The following GDPD4 variants were observed in gnomAD, a reference collection of about 807,000 sequenced individuals.
The protein encoded by GDPD4 is glycerophosphodiester phosphodiesterase 6.
GDPD4 carries 60 observed loss-of-function variants against 67.8 expected under a neutral mutation model. The observed-to-expected ratio is 0.88, with a 90% CI of 0.72 to 1.10. The LOEUF (loss-of-function observed/expected upper bound fraction) is 1.10, where lower values mean the gene tolerates loss of function less well. Among genes scored for constraint, GDPD4 ranks in the 50% least tolerant of loss-of-function variants. The pLI, the probability that GDPD4 is intolerant of heterozygous loss-of-function variation, is 0.00. For missense variants in GDPD4, 623 were observed against 613.9 expected, an observed-to-expected ratio of 1.01 and a Z score of -0.16; for synonymous variants, 212 against 210.9, an observed-to-expected ratio of 1.00 and a Z score of -0.04.
At chr11:77,235,013 T>G (rs916161831) in intron 13 of GDPD4, among the ~76,000 whole-genome samples, 921 of 53,020 alleles carry the variant, frequency 0.017, 10 homozygotes, top group Middle Eastern at 0.025. Flanking sequence ...ATATCTGTTT[T>G]TTTTTTTTTT....
intron 1 of GDPD4, among the ~76,000 whole-genome samples, chr11:77,289,813 G>A (rs1253682558): frequency 2.0e-5 from 2 of 101,848 alleles, no homozygotes; most frequent in African/African-American, 7.0e-5. Context: ...AGGAGGGAGG[G>A]AAGGAAGGGA....
chr11:77,300,377 T>C (rs1938119443), intron 1 of GDPD4, among the ~76,000 whole-genome samples: 2 of 152,224 alleles, frequency 1.3e-5, no homozygotes, highest in East Asian at 1.9e-4. Flanking sequence ...CACCCTTCTA[T>C]AGAAGTATAT....
At chr11:77,292,735 AATT>A (rs1362276876) in intron 1 of GDPD4, among the ~76,000 whole-genome samples, 3 of 152,174 alleles carry the variant, frequency 2.0e-5, no homozygotes, top group African/African-American at 7.2e-5. Flanking sequence ...AGAAATCACA[AATT>A]ATCAATATCA....
chr11:77,268,825 C>CTTTTTTTTT, intron 9 of GDPD4, 99 bp downstream of exon 9: 4 of 1,282,460 alleles, frequency 3.1e-6, no homozygotes, highest in Admixed American at 2.2e-5. Flanking sequence ...AATGCAATCA[C>CTTTTTTTTT]TTTTTCTCTC....
chr11:77,229,611 G>A (rs75854757), intron 14 of GDPD4, among the ~76,000 whole-genome samples: 3,565 of 152,268 alleles, frequency 0.023, 146 homozygotes, highest in African/African-American at 0.081. Context: ...AAACCTGGCT[G>A]TGCAGCCAAG....
At chr11:77,254,813 T>C (rs9634030) in intron 11 of GDPD4, among the ~76,000 whole-genome samples, 122,713 of 152,126 alleles carry the variant, frequency 0.81, 52,834 homozygotes, top group Non-Finnish European at 0.96. Flanking sequence ...AATCTCAAGA[T>C]TAATAAATAC....
Position 77,216,928 on chromosome 11 carries a change from G to T in GDPD4, c.*349C>A, listed in dbSNP as rs1322319123. The T allele has an allele frequency of 2.0e-5, 14 of 701,326 alleles. No individual in the cohort carries two copies. 43.4% of individuals were successfully genotyped at this position (701,326 alleles called of 1,614,324 possible). On this transcript the variant is annotated 3_prime_UTR_variant, in exon 17 of 17. Transcript: ENST00000315938. ...ATTCAGCCATGGGGATCTCTTAGAG[G>T]TCTCTTATTTAAGGATAGGGGACCT...
chr11:77,237,167 C>G (rs1330353831), intron 13 of GDPD4, among the ~76,000 whole-genome samples: 1 of 152,136 alleles, frequency 6.6e-6, no homozygotes, highest in Non-Finnish European at 1.5e-5. Flanking sequence ...TGAGTTAACC[C>G]TGCAGAAACT....
intron 12 of GDPD4, among the ~76,000 whole-genome samples, chr11:77,244,323 C>T (rs530811497): frequency 4.6e-5 from 7 of 152,286 alleles, no homozygotes; most frequent in Admixed American, 6.5e-5. Flanking sequence ...TGAGCCACCG[C>T]GCCCAGCCCT....
intron 5 of GDPD4, among the ~76,000 whole-genome samples, chr11:77,272,134 C>T (rs1239602736): frequency 6.6e-6 from 1 of 152,204 alleles, no homozygotes; most frequent in South Asian, 2.1e-4. Flanking sequence ...ATAATTAAGT[C>T]TTTCACAACT....
intron 4 of GDPD4, among the ~76,000 whole-genome samples, chr11:77,277,664 G>A (rs560719873): frequency 5.3e-5 from 8 of 151,444 alleles, no homozygotes; most frequent in African/African-American, 9.7e-5. Context: ...TCTTGCTAGC[G>A]GTCTATCAAT....
intron 1 of GDPD4, among the ~76,000 whole-genome samples, chr11:77,296,253 A>G (rs1261889275): frequency 2.3e-4 from 3 of 13,040 alleles, no homozygotes; most frequent in Non-Finnish European, 3.4e-4. Context: ...TTCGTCTCAA[A>G]AAAAAAAAAA....
intron 5 of GDPD4, 129 bp downstream of exon 5, chr11:77,276,030 CTT>C (rs768045246): frequency 8.4e-5 from 55 of 656,308 alleles, no homozygotes; most frequent in Middle Eastern, 2.5e-4. Flanking sequence ...AAGTAAATCT[CTT>C]CTCTCCAAGG....
At chr11:77,225,750 TCAGTAGGTGCAG>T (rs1327865959) in intron 16 of GDPD4, among the ~76,000 whole-genome samples, 24 of 152,126 alleles carry the variant, frequency 1.6e-4, no homozygotes, top group Non-Finnish European at 2.9e-4. Flanking sequence ...AGACATGGCA[TCAGTAGGTGCAG>T]CAGTACGTGC....
At chr11:77,266,592 T>C (rs535082635) in intron 10 of GDPD4, among the ~76,000 whole-genome samples, 2 of 152,278 alleles carry the variant, frequency 1.3e-5, no homozygotes, top group South Asian at 4.1e-4. Context: ...CTAGAAGGCA[T>C]TGTTTTCATA....
chr11:77,249,758 G>A (rs115217766), intron 11 of GDPD4, among the ~76,000 whole-genome samples: 6 of 152,152 alleles, frequency 3.9e-5, no homozygotes, highest in Admixed American at 6.5e-5. Flanking sequence ...CTTGAGATAC[G>A]TGATTATGTT....
chr11:77,232,854 G>A (rs1183745783), intron 14 of GDPD4, among the ~76,000 whole-genome samples, 171 bp downstream of exon 14: 1 of 152,186 alleles, frequency 6.6e-6, no homozygotes, highest in East Asian at 1.9e-4. Context: ...ATTTTTGCCT[G>A]AAAATCCCAG....
At chr11:77,257,552 TACACACACACACAC>T (rs71043563) in intron 11 of GDPD4, among the ~76,000 whole-genome samples, 14 of 134,346 alleles carry the variant, frequency 1.0e-4, no homozygotes, top group South Asian at 2.7e-4. Context: ...CTCCCTCTCC[TACACACACACACAC>T]ACACACACAC....
At chr11:77,252,295 C>T (rs1417764733) in intron 11 of GDPD4, among the ~76,000 whole-genome samples, 1 of 151,970 alleles carries the variant, frequency 6.6e-6, no homozygotes, top group Non-Finnish European at 1.5e-5. Context: ...AACTCCTGAC[C>T]TCAGGTGATC....
Sources: gnomAD v4.1 joint callset for allele counts (sites outside exome capture counted in the v4.1 genomes callset) on GRCh38, gnomAD v4.1.1 for gene constraint, MANE v1.5 for transcripts, NCBI Gene and HGNC (gene_info 2026-07-23, HGNC 2026-07-21) for gene names.